Variants in MSI2 observed in about 807,000 individuals in gnomAD.
MSI2 encodes musashi RNA binding protein 2, also known as RNA-binding protein Musashi homolog 2.
Under a neutral mutation model 45.6 loss-of-function variants are expected in MSI2, and 17 were observed. The observed-to-expected ratio is 0.37, with a 90% CI of 0.26 to 0.56. The LOEUF is 0.56. MSI2 is among the 20% of genes least tolerant of loss of function. The pLI is 0.77. For synonymous variants in MSI2, 156 were observed against 158.2 expected (o/e 0.99, Z 0.11); for missense variants, 293 against 444.2 (o/e 0.66, Z 3.06).
intron 5 of MSI2, among the ~76,000 whole-genome samples, chr17:57,312,092 C>T (rs1218227453): frequency 6.6e-6 from 1 of 152,212 alleles, no homozygotes; most frequent in East Asian, 1.9e-4. Context: ...AGACAGAGCA[C>T]AGTCCCAGCA....
At position 57,352,052 on chromosome 17, in the gene MSI2, C is replaced by A. The variant is rs1042319752; in HGVS notation, c.313-49327C>A. 4.6e-5 allele frequency among the ~76,000 whole-genome samples: 7 copies of A among 152,218 alleles called. No homozygotes were observed. In the East Asian group the frequency reaches 1.3e-3, roughly 29 times the overall value. ...TCATTCTTTGGTTCCCTTTCATATTCATAAGGTACTGGAGGTACTGGATAT... is the reference window on the plus strand; with the variant it reads ...TCATTCTTTGGTTCCCTTTCATATTAATAAGGTACTGGAGGTACTGGATAT... On this transcript the variant is annotated intron_variant, in intron 5 of 13. Coordinates refer to ENST00000284073, the MANE Select transcript of MSI2 (RefSeq NM_138962.4).
At chr17:57,636,296 C>T (rs1418902207) in intron 10 of MSI2, among the ~76,000 whole-genome samples, 1 of 152,142 alleles carries the variant, frequency 6.6e-6, no homozygotes, top group East Asian at 1.9e-4. Flanking sequence ...CATCCTGAAC[C>T]TGCTGTCACT....
intron 5 of MSI2, among the ~76,000 whole-genome samples, chr17:57,355,361 G>A (rs542381395): frequency 6.6e-6 from 1 of 152,206 alleles, no homozygotes; most frequent in Admixed American, 6.5e-5. Context: ...TAGGTCACAG[G>A]TCCAGCCCTT....
chr17:57,573,559 A>G (rs1239622910), intron 7 of MSI2, among the ~76,000 whole-genome samples: 1 of 152,238 alleles, frequency 6.6e-6, no homozygotes, highest in Non-Finnish European at 1.5e-5. Flanking sequence ...TAGAGCCCAT[A>G]GAGTGAGGCT....
chr17:57,273,002 T>C (rs753821716), intron 5 of MSI2, among the ~76,000 whole-genome samples: 2 of 152,210 alleles, frequency 1.3e-5, no homozygotes, highest in Non-Finnish European at 2.9e-5. Context: ...AAAAAATGTT[T>C]CAACTTTCAG....
intron 6 of MSI2, among the ~76,000 whole-genome samples, chr17:57,454,539 C>T (rs1019243132): frequency 6.6e-6 from 1 of 150,604 alleles, no homozygotes; most frequent in Non-Finnish European, 1.5e-5. Flanking sequence ...CTGGTCCAGG[C>T]GATTCTCCTG....
intron 5 of MSI2, among the ~76,000 whole-genome samples, chr17:57,316,585 T>C (rs28607655): frequency 0.14 from 21,127 of 152,204 alleles, 2,990 homozygotes; most frequent in African/African-American, 0.35. Flanking sequence ...CTCAGCCTCC[T>C]GAAGTGCTGG....
intron 6 of MSI2, among the ~76,000 whole-genome samples, chr17:57,417,629 A>G (rs77086064): frequency 2.6e-5 from 4 of 152,244 alleles, no homozygotes; most frequent in African/African-American, 9.6e-5. Flanking sequence ...TTTCAATGTG[A>G]AAGAACCTCA....
intron 5 of MSI2, among the ~76,000 whole-genome samples, chr17:57,386,734 T>C (rs1480575946): frequency 6.6e-6 from 1 of 152,244 alleles, no homozygotes; most frequent in Admixed American, 6.5e-5. Context: ...CCCTCCCTTA[T>C]GAAGCACACC....
intron 5 of MSI2, among the ~76,000 whole-genome samples, chr17:57,334,496 T>C (rs539517683): frequency 2.6e-5 from 4 of 152,234 alleles, no homozygotes; most frequent in African/African-American, 9.6e-5. Context: ...CAAGATCTCA[T>C]TAAAATGCTT....
intron 5 of MSI2, among the ~76,000 whole-genome samples, chr17:57,274,041 T>C (rs1460187351): frequency 6.6e-6 from 1 of 152,140 alleles, no homozygotes; most frequent in African/African-American, 2.4e-5. Context: ...CTGGGCCTTG[T>C]CTCAGATATT....
chr17:57,588,473 G>T (rs567232283), intron 7 of MSI2, among the ~76,000 whole-genome samples: 9 of 152,318 alleles, frequency 5.9e-5, no homozygotes, highest in Non-Finnish European at 1.0e-4. Flanking sequence ...GCGGTTGGGG[G>T]TCTGGAAAGG....
At chr17:57,585,649 A>C (rs534175055) in intron 7 of MSI2, among the ~76,000 whole-genome samples, 1 of 152,272 alleles carries the variant, frequency 6.6e-6, no homozygotes, top group African/African-American at 2.4e-5. Context: ...AACGTGAGAG[A>C]AGGTGACAAA....
chr17:57,581,030 T>TTTTG (rs2088191417), intron 7 of MSI2, among the ~76,000 whole-genome samples: 1 of 145,620 alleles, frequency 6.9e-6, no homozygotes, highest in African/African-American at 2.6e-5. Flanking sequence ...TTTTTTTTTT[T>TTTTG]GAGACACAGT....
chr17:57,546,353 G>A (rs1411617598), intron 7 of MSI2, among the ~76,000 whole-genome samples: 1 of 152,196 alleles, frequency 6.6e-6, no homozygotes, highest in East Asian at 1.9e-4. Flanking sequence ...GGTGGGTTTT[G>A]ATAAGTGCAG....
intron 11 of MSI2, among the ~76,000 whole-genome samples, chr17:57,669,331 G>A (rs1023399156): frequency 2.6e-5 from 4 of 152,206 alleles, no homozygotes; most frequent in African/African-American, 9.7e-5. Context: ...ACTGATGCAG[G>A]CCCTCACTGT....
chr17:57,299,449 G>A lies in MSI2; in HGVS notation c.312+37257G>A, dbSNP rs528944572. Among the ~76,000 whole-genome samples, 25 of 152,204 alleles carry A rather than the reference G, an allele frequency of 1.6e-4. 1 individual carries two copies. The South Asian group carries it at 5.0e-3, about 30-fold the overall frequency. ...AGAGACACGTAACTCCTCCTTTCAC[G>A]TGAACACATAGAGGCCATTGTAGGG... On this transcript the variant is annotated intron_variant, in intron 5 of 13. Coordinates refer to ENST00000284073, the MANE Select transcript of MSI2 (RefSeq NM_138962.4).
At chr17:57,293,372 C>T (rs1290513661) in intron 5 of MSI2, among the ~76,000 whole-genome samples, 2 of 152,116 alleles carry the variant, frequency 1.3e-5, no homozygotes, top group Non-Finnish European at 2.9e-5. Flanking sequence ...ACCCACGGGG[C>T]TGTCAGGTTG....
chr17:57,295,123 A>T (rs1910806233), intron 5 of MSI2, among the ~76,000 whole-genome samples: 1 of 152,212 alleles, frequency 6.6e-6, no homozygotes, highest in Non-Finnish European at 1.5e-5. Flanking sequence ...CCCACCCTCC[A>T]GTGCAAACTG....
Sources: gnomAD v4.1 joint callset for allele counts (sites outside exome capture counted in the v4.1 genomes callset) on GRCh38, gnomAD v4.1.1 for gene constraint, MANE v1.5 for transcripts, NCBI Gene and HGNC (gene_info 2026-07-23, HGNC 2026-07-21) for gene names.